Variants in NLRP5 observed in about 807,000 individuals in gnomAD.
NLRP5 encodes NLR family pyrin domain containing 5, also known as NACHT, LRR and PYD domains-containing protein 5.
In NLRP5, 93 loss-of-function variants were observed where a neutral mutation model predicts 113.1. The observed-to-expected ratio is 0.82, with a 90% CI of 0.70 to 0.98. The LOEUF (loss-of-function observed/expected upper bound fraction) is 0.98. Ranked by LOEUF, NLRP5 falls within the 50% of genes least tolerant of loss-of-function variation. NLRP5 has a pLI of 0.00. For missense variants in NLRP5, 1,808 were observed against 1,514.3 expected (o/e 1.19, Z -3.22); for synonymous variants, 751 against 600.7 (o/e 1.25, Z -3.66).
chr19:56,009,168 G>A lies in NLRP5; in HGVS notation c.508+315G>A, dbSNP rs184553963. Among the ~76,000 whole-genome samples the A allele has an allele frequency of 1.2e-4, 18 of 151,398 alleles. No individual in the cohort carries two copies. The South Asian group carries it at 1.3e-3, about 11-fold the overall frequency. On this transcript the variant is annotated intron_variant, in intron 3 of 14. Coordinates refer to ENST00000390649, the MANE Select transcript of NLRP5 (RefSeq NM_153447.4). Reference sequence around the variant, plus strand: ...AGCCTGGCCAACATGGTGAAACGTCGTCTCTACTAAAAATACAAAAAAATA... The same window carrying A: ...AGCCTGGCCAACATGGTGAAACGTCATCTCTACTAAAAATACAAAAAAATA...
At chr19:55,998,720 A>ATATATATATGTG (rs1981468483), upstream of NLRP5, among the ~76,000 whole-genome samples, 1 of 141,304 alleles carries the variant, frequency 7.1e-6, no homozygotes, top group South Asian at 2.2e-4. Flanking sequence ...GTGTGTATAT[A>ATATATATATGTG]TATATATATG....
rs1982880503 is a variant in NLRP5 at position 56,026,996 on chromosome 19, AAC to A, written c.766_767del (p.Thr256CysfsTer3). 1 of 1,551,646 alleles carries A rather than the reference AAC, an allele frequency of 6.4e-7. No individual in the cohort carries two copies. On this transcript the variant is annotated frameshift_variant, in exon 7 of 15. Transcript: ENST00000390649. LOFTEE classifies it high-confidence loss of function. ...GGAGGATGTACGTCGTAGTTTTGAA[AAC>A]ACTGCTGCTGACTGGCCGGAAATGC...
At chr19:55,997,510 T>A (rs887562049), upstream of NLRP5, among the ~76,000 whole-genome samples, 2 of 152,070 alleles carry the variant, frequency 1.3e-5, no homozygotes, top group African/African-American at 4.8e-5. Context: ...CGGAATAGTT[T>A]GAGAAGAATT....
intron 6 of NLRP5, among the ~76,000 whole-genome samples, chr19:56,026,690 TGCCTCA>T (rs1282758324): frequency 2.6e-5 from 4 of 151,636 alleles, no homozygotes; most frequent in African/African-American, 9.7e-5. Flanking sequence ...GCAATTCTCC[TGCCTCA>T]GCCTCCTGAG....
intron 7 of NLRP5, among the ~76,000 whole-genome samples, chr19:56,031,711 A>G (rs76824298): frequency 0.083 from 12,601 of 152,104 alleles, 574 homozygotes; most frequent in South Asian, 0.14. Flanking sequence ...ACCTAACATA[A>G]TATCCTCCAG....
chr19:56,027,524 G>A lies in NLRP5; in HGVS notation c.1291G>A (p.Gly431Arg), dbSNP rs995045037. ...GTCTCCCCGTTACCTGTTAGTTAGA[G>A]GAATCTCCGGGGAACAAAGAATCCA... The change falls in exon 7 of 15, where the codon GGA becomes AGA. Residue 431 changes from glycine (G) to arginine (R), a missense_variant. Physicochemically the swap from Gly to Arg is moderately radical, Grantham distance 125. Transcript: ENST00000390649. The A allele has an allele frequency of 5.0e-6, 8 of 1,613,864 alleles. No homozygotes were observed. The highest frequency in any genetic ancestry group is 1.1e-5 in the South Asian group (1 of 91,070).
At chr19:55,999,641 C>G (rs913223879), upstream of NLRP5, 13 of 1,027,956 alleles carry the variant, frequency 1.3e-5, no homozygotes, top group Admixed American at 2.2e-4. Context: ...CACAGTAACC[C>G]TTGAAGAGGC....
At chr19:56,024,431 AC>A (rs1982745646) in intron 6 of NLRP5, among the ~76,000 whole-genome samples, 2 of 126,820 alleles carry the variant, frequency 1.6e-5, no homozygotes, top group Non-Finnish European at 3.4e-5. Flanking sequence ...TTATATATAC[AC>A]ATATACATAT....
chr19:56,043,753 G>C (rs984726780), intron 11 of NLRP5, among the ~76,000 whole-genome samples: 1 of 150,790 alleles, frequency 6.6e-6, no homozygotes, highest in Non-Finnish European at 1.5e-5. Context: ...TTTTGTGTGT[G>C]TTTTTAGTAG....
chr19:56,036,191 GTAGC>G (rs1983308639), intron 9 of NLRP5, among the ~76,000 whole-genome samples: 1 of 149,446 alleles, frequency 6.7e-6, no homozygotes, highest in Admixed American at 6.9e-5. Flanking sequence ...AGCCTCCTAA[GTAGC>G]TAGGACTACA....
At chr19:56,017,676 T>G (rs2123289879) in intron 4 of NLRP5, among the ~76,000 whole-genome samples, 1 of 152,362 alleles carries the variant, frequency 6.6e-6, no homozygotes, top group African/African-American at 2.4e-5. Context: ...CTGATGTATC[T>G]ATCTTGAAGA....
chr19:56,022,572 A>G (rs1339940395), intron 6 of NLRP5, among the ~76,000 whole-genome samples: 1 of 152,168 alleles, frequency 6.6e-6, no homozygotes. Context: ...TACCGGATTG[A>G]TGGGAAGCCA....
chr19:56,003,965 C>T lies in NLRP5; in HGVS notation c.312C>T (p.Ala104=), dbSNP rs35669530. The T allele has an allele frequency of 0.041, 65,488 of 1,613,864 alleles. 1,623 individuals carry two copies. The highest frequency in any genetic ancestry group is 0.049 in the Non-Finnish European group (57,247 of 1,179,842). ...TTCCACAGTTTGAAATCGAGAATGC[C>T]AACGTGGAATGTCTGGCACTCCTCT... The change falls in exon 2 of 15, where the codon GCC becomes GCT. Residue 104 remains alanine, a synonymous_variant. Coordinates refer to ENST00000390649, the MANE Select transcript of NLRP5 (RefSeq NM_153447.4).
upstream of NLRP5, among the ~76,000 whole-genome samples, chr19:55,994,735 C>G (rs117032596): frequency 8.8e-3 from 1,345 of 152,294 alleles, 7 homozygotes; most frequent in Non-Finnish European, 0.012. Context: ...CTTTGCTGTA[C>G]AGAAGCTCTT....
At chr19:56,021,479 C>A (rs919376023) in intron 6 of NLRP5, among the ~76,000 whole-genome samples, 1 of 152,232 alleles carries the variant, frequency 6.6e-6, no homozygotes, top group African/African-American at 2.4e-5. Flanking sequence ...TTGCAGTCAC[C>A]AGTTTCCTCT....
rs377588935 is a variant in NLRP5 at position 56,053,799 on chromosome 19, C to G, written c.3290C>G (p.Ala1097Gly). ...CTGAAGCAAAAGAACAGTGTTCTGG[C>G]GAGACTCGGGTAACTTCCTGGGGCG... The change falls in exon 13 of 15, where the codon GCG becomes GGG. Residue 1097 changes from alanine to glycine, a missense_variant. Physicochemically the swap from Ala to Gly is moderately conservative, Grantham distance 60. Transcript: ENST00000390649. The G allele has an allele frequency of 2.5e-6, 4 of 1,613,220 alleles. No homozygotes were observed. In the East Asian group the frequency reaches 6.7e-5, roughly 27 times the overall value.
At chr19:56,055,779 T>C (rs907712482) in intron 13 of NLRP5, among the ~76,000 whole-genome samples, 2 of 151,554 alleles carry the variant, frequency 1.3e-5, no homozygotes, top group Non-Finnish European at 2.9e-5. Context: ...TCTCCTGACC[T>C]CATGATCTGC....
intron 4 of NLRP5, among the ~76,000 whole-genome samples, chr19:56,016,953 CAT>C (rs1479284037): frequency 1.3e-5 from 2 of 152,160 alleles, no homozygotes; most frequent in African/African-American, 2.4e-5. Flanking sequence ...GGATTACAGG[CAT>C]GCGCCACCAT....
chr19:56,046,369 A>T (rs556140498), intron 11 of NLRP5, among the ~76,000 whole-genome samples: 2 of 144,978 alleles, frequency 1.4e-5, no homozygotes, highest in Admixed American at 6.9e-5. Flanking sequence ...TTTAGCATCT[A>T]TGTTCATCAA....
Sources: allele counts gnomAD v4.1 joint callset (sites outside exome capture counted in the v4.1 genomes callset), GRCh38; gene constraint gnomAD v4.1.1; transcripts MANE v1.5; gene names NCBI Gene and HGNC (gene_info 2026-07-23, HGNC 2026-07-21).